HEATR5A: variants seen among roughly 807,000 people sequenced by gnomAD.
HEATR5A encodes HEAT repeat containing 5A.
HEATR5A carries 178 observed loss-of-function variants against 218.8 expected under a neutral mutation model. The observed-to-expected ratio is 0.81, with a 90% CI of 0.72 to 0.92. HEATR5A has a LOEUF of 0.92. HEATR5A is among the 40% of genes least tolerant of loss of function. The pLI is 0.00. For synonymous variants in HEATR5A, 864 were observed against 871.6 expected, an observed-to-expected ratio of 0.99 and a Z score of 0.15; for missense variants, 2,420 against 2,418.9, an observed-to-expected ratio of 1.00 and a Z score of -0.01.
chr14:31,351,967 C>T (rs976078790), intron 16 of HEATR5A, among the ~76,000 whole-genome samples: 2 of 152,044 alleles, frequency 1.3e-5, no homozygotes, highest in Non-Finnish European at 2.9e-5. Context: ...TATACACATA[C>T]TAAAATTTAT....
chr14:31,380,381 T>C (rs2029931375), intron 11 of HEATR5A, 86 bp downstream of exon 11: 10 of 842,406 alleles, frequency 1.2e-5, no homozygotes, highest in Non-Finnish European at 1.9e-5. Context: ...TATTAAAAGT[T>C]CATTTCATCA....
chr14:31,378,824 AG>A (rs1292057799), intron 11 of HEATR5A, among the ~76,000 whole-genome samples: 1 of 151,636 alleles, frequency 6.6e-6, no homozygotes, highest in East Asian at 1.9e-4. Context: ...CACTACTTAA[AG>A]TAGTTCTTCA....
intron 4 of HEATR5A, among the ~76,000 whole-genome samples, chr14:31,395,946 G>A (rs561662809): frequency 8.5e-5 from 13 of 152,250 alleles, no homozygotes; most frequent in South Asian, 4.2e-4. Flanking sequence ...TCTGTGACCC[G>A]CAGTAACTTT....
chr14:31,412,645 C>T (rs1479696630), intron 1 of HEATR5A, among the ~76,000 whole-genome samples: 1 of 152,086 alleles, frequency 6.6e-6, no homozygotes, highest in African/African-American at 2.4e-5. Flanking sequence ...AATTCCAGCA[C>T]TTTGGGAGGC....
intron 1 of HEATR5A, 147 bp from the exon 2 acceptor site, chr14:31,403,196 T>C: frequency 8.7e-6 from 4 of 461,504 alleles, no homozygotes; most frequent in Non-Finnish European, 1.5e-5. Flanking sequence ...AATAATGTTC[T>C]AGTTAACACT....
At chr14:31,342,199 T>C (rs1234585983) in intron 21 of HEATR5A, among the ~76,000 whole-genome samples, 1 of 151,878 alleles carries the variant, frequency 6.6e-6, no homozygotes, top group Non-Finnish European at 1.5e-5. Context: ...CCAGCCTGGG[T>C]AACATAGCAA....
At chr14:31,400,791 ATCTT>A (rs2030843785) in intron 2 of HEATR5A, among the ~76,000 whole-genome samples, 1 of 151,950 alleles carries the variant, frequency 6.6e-6, no homozygotes, top group Non-Finnish European at 1.5e-5. Context: ...TGTATTCGAA[ATCTT>A]TCTTCTTTTG....
intron 31 of HEATR5A, 79 bp from the exon 32 acceptor site, chr14:31,305,256 G>T: frequency 7.1e-7 from 1 of 1,405,446 alleles, no homozygotes; most frequent in Non-Finnish European, 9.7e-7. Flanking sequence ...TCCTGTTACA[G>T]GAAATACATG....
chr14:31,396,154 C>G lies in HEATR5A; in HGVS notation c.448-806G>C, dbSNP rs369470362. Reference sequence around the variant, plus strand: ...GGCCGATTGCTTGAGCTCAGGACTTCGAGACCAGCCTGGGCAACATGGTGA... The same window carrying G: ...GGCCGATTGCTTGAGCTCAGGACTTGGAGACCAGCCTGGGCAACATGGTGA... On this transcript the variant is annotated intron_variant, in intron 4 of 35. Coordinates refer to ENST00000543095, the MANE Select transcript of HEATR5A (RefSeq NM_015473.4). Among the ~76,000 whole-genome samples, 197 of 152,122 alleles carry G rather than the reference C, an allele frequency of 1.3e-3. No homozygotes were observed. The Middle Eastern group carries it at 0.014, about 11-fold the overall frequency.
chr14:31,353,101 T>TA lies in HEATR5A; in HGVS notation c.2412-2385dup, dbSNP rs752083079. Among the ~76,000 whole-genome samples, 343 of 148,534 alleles carry TA rather than the reference T, an allele frequency of 2.3e-3. 3 individuals carry two copies. The East Asian group carries it at 0.05, about 22-fold the overall frequency. On this transcript the variant is annotated intron_variant, in intron 16 of 35. Coordinates refer to ENST00000543095, the MANE Select transcript of HEATR5A (RefSeq NM_015473.4). ...ATTTGAAAAACTCAGAAAAGCACAT[T>TA]AAAAAAAAAATAAAATTTACCCCAA...
intron 13 of HEATR5A, among the ~76,000 whole-genome samples, chr14:31,366,385 A>T (rs541264514): frequency 6.6e-6 from 1 of 152,246 alleles, no homozygotes; most frequent in Non-Finnish European, 1.5e-5. Flanking sequence ...TAAATAGCTA[A>T]CACACAAAAA....
chr14:31,304,015 G>A (rs1429195100), intron 32 of HEATR5A, among the ~76,000 whole-genome samples: 1 of 151,872 alleles, frequency 6.6e-6, no homozygotes, highest in African/African-American at 2.4e-5. Context: ...AGACCAGCCT[G>A]GCAACACAGC....
chr14:31,413,438 A>G (rs534265190), intron 1 of HEATR5A, among the ~76,000 whole-genome samples: 20 of 151,736 alleles, frequency 1.3e-4, no homozygotes, highest in South Asian at 2.1e-4. Flanking sequence ...GAATGAGAAA[A>G]ATGGTAGAAG....
At chr14:31,360,153 A>C (rs1163687334) in intron 14 of HEATR5A, among the ~76,000 whole-genome samples, 1 of 151,574 alleles carries the variant, frequency 6.6e-6, no homozygotes, top group African/African-American at 2.4e-5. Flanking sequence ...TTGAATCTAG[A>C]TCTAAGTAAG....
chr14:31,354,141 C>A (rs1366339090), intron 16 of HEATR5A, among the ~76,000 whole-genome samples: 2 of 151,650 alleles, frequency 1.3e-5, no homozygotes, highest in East Asian at 1.9e-4. Context: ...TCCAAAGCAA[C>A]CTACAGGAAG....
At chr14:31,320,882 C>T (rs766406645) in intron 25 of HEATR5A, among the ~76,000 whole-genome samples, 3 of 151,980 alleles carry the variant, frequency 2.0e-5, no homozygotes, top group Non-Finnish European at 4.4e-5. Context: ...ACTGCCCTGC[C>T]CAAAAGACAT....
rs1210489513 is a variant in HEATR5A, at chr14:31,337,502, T to C, written c.3341A>G (p.Lys1114Arg). The change falls in exon 22 of 36, where the codon AAG becomes AGG. Residue 1114 changes from lysine (K) to arginine (R), a missense_variant. Transcript: ENST00000543095. The part of the protein sequence containing the change: ...EVSEHAVMLA[K>R]DSREELTPDA... ...TGGAGTCAACTCTTCTCTGCTATCC[T>C]TAGCAAGCATAACAGCATGTTCTGA... The C allele has an allele frequency of 2.6e-6, 4 of 1,554,644 alleles. No homozygotes were observed. The South Asian group carries it at 4.8e-5, about 18-fold the overall frequency.
At chr14:31,312,230 A>G (rs1899778080) in intron 28 of HEATR5A, among the ~76,000 whole-genome samples, 1 of 152,216 alleles carries the variant, frequency 6.6e-6, no homozygotes, top group Non-Finnish European at 1.5e-5. Context: ...CAAAATAAAT[A>G]CCAAATAGCA....
At chr14:31,397,380 G>A (rs887173471) in intron 4 of HEATR5A, among the ~76,000 whole-genome samples, 8 of 151,752 alleles carry the variant, frequency 5.3e-5, no homozygotes, top group African/African-American at 9.7e-5. Context: ...GTCTTGGGCC[G>A]GGCATGGTGG....
Sources: allele counts gnomAD v4.1 joint callset (sites outside exome capture counted in the v4.1 genomes callset), GRCh38; gene constraint gnomAD v4.1.1; transcripts MANE v1.5; gene names NCBI Gene and HGNC (gene_info 2026-07-23, HGNC 2026-07-21).